The following ZNF644 variants were observed in gnomAD, a reference collection of about 807,000 sequenced individuals.
ZNF644 encodes zinc finger protein 644.
Under a neutral mutation model 108.0 loss-of-function variants are expected in ZNF644, and 20 were observed. The observed-to-expected ratio is 0.19, with a 90% CI of 0.13 to 0.27. The LOEUF is 0.27. Among genes scored for constraint, ZNF644 ranks in the 10% least tolerant of loss-of-function variants. The pLI, the probability that ZNF644 is intolerant of heterozygous loss-of-function variation, is 1.00. For synonymous variants in ZNF644, 542 were observed against 539.1 expected (o/e 1.01, Z -0.08); for missense variants, 1,338 against 1,548.9 (o/e 0.86, Z 2.29).
chr1:90,919,095 G>A (rs1649135904), intron 4 of ZNF644, among the ~76,000 whole-genome samples: 1 of 152,042 alleles, frequency 6.6e-6, no homozygotes, highest in South Asian at 2.1e-4. Flanking sequence ...AAGAAAAAAA[G>A]GTATTTTTTA....
At chr1:91,000,346 CCA>C (rs1307819381) in intron 1 of ZNF644, among the ~76,000 whole-genome samples, 3 of 152,176 alleles carry the variant, frequency 2.0e-5, no homozygotes, top group African/African-American at 4.8e-5. Flanking sequence ...GTCTCTCAGA[CCA>C]CAGTGTAATC....
intron 1 of ZNF644, among the ~76,000 whole-genome samples, chr1:91,014,562 G>T (rs1306320992): frequency 6.6e-6 from 1 of 152,120 alleles, no homozygotes; most frequent in Non-Finnish European, 1.5e-5. Flanking sequence ...GATTAAACCT[G>T]TAGCAATCCA....
At chr1:91,004,429 G>A (rs1043497932) in intron 1 of ZNF644, among the ~76,000 whole-genome samples, 4 of 152,128 alleles carry the variant, frequency 2.6e-5, no homozygotes, top group African/African-American at 7.2e-5. Context: ...AAAAAGACTC[G>A]ACCATGAATT....
chr1:90,941,120 C>T lies in ZNF644; in HGVS notation c.234G>A (p.Leu78=), dbSNP rs17131243. The T allele has an allele frequency of 2.4e-3, 3,797 of 1,614,046 alleles. 81 individuals are homozygous for T. In the African/African-American group the frequency reaches 0.044, roughly 19 times the overall value. ...AGGCGTTTTCAGATTTGTCCTTTGACAGTTCTTCAGGCAGAGTCAACGTAT... is the reference window on the plus strand; with the variant it reads ...AGGCGTTTTCAGATTTGTCCTTTGATAGTTCTTCAGGCAGAGTCAACGTAT... ...KNNTLTLPEE[L]SKDKSENALS... Residue 78 remains leucine (L), a synonymous_variant, in exon 3 of 6, where the codon CTG becomes CTA. Coordinates refer to ENST00000337393, the MANE Select transcript of ZNF644 (RefSeq NM_201269.3).
chr1:90,994,364 A>G (rs2101614415), intron 1 of ZNF644, among the ~76,000 whole-genome samples: 1 of 152,340 alleles, frequency 6.6e-6, no homozygotes, highest in South Asian at 2.1e-4. Context: ...AAGCACACAA[A>G]AATTATCTCT....
At chr1:90,980,008 T>C (rs1362719144) in intron 2 of ZNF644, among the ~76,000 whole-genome samples, 1 of 152,180 alleles carries the variant, frequency 6.6e-6, no homozygotes, top group Non-Finnish European at 1.5e-5. Flanking sequence ...CTCCTTCCTA[T>C]GGCCCAACAG....
chr1:90,960,534 T>C (rs1570439437), intron 2 of ZNF644, among the ~76,000 whole-genome samples: 1 of 152,276 alleles, frequency 6.6e-6, no homozygotes. Context: ...CAATGAATTG[T>C]ACACTAAAAA....
At chr1:90,948,913 A>G (rs1475944137) in intron 2 of ZNF644, among the ~76,000 whole-genome samples, 1 of 152,164 alleles carries the variant, frequency 6.6e-6, no homozygotes, top group African/African-American at 2.4e-5. Flanking sequence ...GATTTCTTAA[A>G]CTTCTGTAGA....
Position 90,938,091 on chromosome 1 carries a change from C to G in ZNF644, c.3083-1G>C. ...GAAGTGGTTTCAGACTTCTCTATAG[C>G]TAGAAAAAAATTTTTAAGAGTAATA... On this transcript the variant is annotated splice_acceptor_variant, in intron 3 of 5. Transcript: ENST00000337393. LOFTEE classifies it high-confidence loss of function. This position sits in a 1 kb window ranked among gnomAD's most constrained non-coding sequence, Gnocchi z 4.2. 1 of 1,610,610 alleles carries G rather than the reference C, an allele frequency of 6.2e-7. No homozygotes were observed. The highest frequency in any genetic ancestry group is 8.5e-7 in the Non-Finnish European group (1 of 1,179,622).
At chr1:90,983,599 A>T (rs139465312) in intron 1 of ZNF644, among the ~76,000 whole-genome samples, 1 of 152,068 alleles carries the variant, frequency 6.6e-6, no homozygotes, top group East Asian at 1.9e-4. Context: ...ATGTATCCTT[A>T]TAAGAACGAG....
At chr1:90,989,308 A>T (rs1233905784) in intron 1 of ZNF644, among the ~76,000 whole-genome samples, 6 of 152,144 alleles carry the variant, frequency 3.9e-5, no homozygotes, top group Non-Finnish European at 7.4e-5. Context: ...CAGCACTCTG[A>T]GAGGCTGAGG....
At chr1:90,949,093 G>A (rs1049223808) in intron 2 of ZNF644, among the ~76,000 whole-genome samples, 5 of 151,776 alleles carry the variant, frequency 3.3e-5, no homozygotes, top group African/African-American at 1.2e-4. Context: ...GATTTAAATC[G>A]TAAACAAATT....
At chr1:90,935,072 A>G (rs1346474249) in intron 4 of ZNF644, among the ~76,000 whole-genome samples, 1 of 152,186 alleles carries the variant, frequency 6.6e-6, no homozygotes, top group African/African-American at 2.4e-5. Context: ...GACTAGAACT[A>G]TAAAGAGAGG....
chr1:90,980,173 G>T (rs1232863954), intron 2 of ZNF644, among the ~76,000 whole-genome samples: 1 of 152,130 alleles, frequency 6.6e-6, no homozygotes. Context: ...AGACATGGAT[G>T]GTATCTACCT....
chr1:90,998,959 T>A (rs1033174959), intron 1 of ZNF644, among the ~76,000 whole-genome samples: 10 of 152,016 alleles, frequency 6.6e-5, no homozygotes, highest in African/African-American at 2.4e-4. Context: ...TGACTGAAGA[T>A]CAAATGAATG....
At chr1:90,971,947 A>G (rs1292546299) in intron 2 of ZNF644, among the ~76,000 whole-genome samples, 1 of 152,142 alleles carries the variant, frequency 6.6e-6, no homozygotes, top group African/African-American at 2.4e-5. Context: ...TTGCATTTTA[A>G]GCATACAGTG....
At chr1:90,922,188 C>T (rs1192843771) in intron 4 of ZNF644, among the ~76,000 whole-genome samples, 2 of 152,144 alleles carry the variant, frequency 1.3e-5, no homozygotes, top group African/African-American at 4.8e-5. Context: ...ACTAAATTAA[C>T]ATTCGCCACC....
intron 4 of ZNF644, among the ~76,000 whole-genome samples, chr1:90,934,673 G>A (rs181721840): frequency 6.6e-6 from 1 of 152,264 alleles, no homozygotes; most frequent in East Asian, 1.9e-4. Context: ...ACAGAAATGT[G>A]CATGTTAACA....
rs1336836019 is a variant in ZNF644, at chr1:90,937,659, T to C, written c.3514A>G (p.Ile1172Val). The C allele has an allele frequency of 6.2e-7, 1 of 1,613,852 alleles. No homozygotes were observed. The highest frequency in any genetic ancestry group is 1.3e-5 in the African/African-American group (1 of 74,918). The change falls in exon 4 of 6, where the codon ATA (isoleucine) becomes GTA (valine). Residue 1172 changes from isoleucine (I) to valine (V), a missense_variant. Physicochemically the swap from Ile to Val is conservative, Grantham distance 29. This residue lies in a region of ZNF644 where 287 missense variants were observed against 310.9 expected (regional missense o/e 0.92). Coordinates refer to ENST00000337393, the MANE Select transcript of ZNF644 (RefSeq NM_201269.3). ...SGKKNQSLTL[I>V]ELLKNKRMGE... The stretch of plus-strand genomic sequence containing the variant: ...ATCCTTTTATTTTTAAGAAGTTCTA[T>C]GAGTGTAAGAGACTGATTCTTTTTC...
Sources: allele counts gnomAD v4.1 joint callset (sites outside exome capture counted in the v4.1 genomes callset), GRCh38; gene constraint gnomAD v4.1.1; regional missense constraint gnomAD v4.1.1; non-coding constraint Gnocchi (gnomAD v3.1); transcripts MANE v1.5; gene names NCBI Gene and HGNC (gene_info 2026-07-23, HGNC 2026-07-21).